The following SERPINA6 variants were observed in gnomAD, a reference collection of about 807,000 sequenced individuals.
SERPINA6 encodes the protein corticosteroid-binding globulin.
SERPINA6 carries 19 observed loss-of-function variants against 26.4 expected under a neutral mutation model. The ratio of observed to expected loss-of-function variants is 0.72; its 90% CI spans 0.50 to 1.06. The LOEUF is 1.06. SERPINA6 is among the 50% of genes least tolerant of loss of function. The pLI is 0.00. For missense variants in SERPINA6, 473 were observed against 504.0 expected, an observed-to-expected ratio of 0.94 and a Z score of 0.59; for synonymous variants, 196 against 199.4, an observed-to-expected ratio of 0.98 and a Z score of 0.14.
At position 94,304,312 on chromosome 14, in the gene SERPINA6, A is replaced by T; in HGVS notation, c.*106T>A. 1 of 1,103,942 alleles carries T rather than the reference A, an allele frequency of 9.1e-7. No homozygotes were observed. The highest frequency in any genetic ancestry group is 1.4e-6 in the Non-Finnish European group (1 of 716,770). The allele number at this position is 1,103,942 out of a possible 1,614,324, so 68.4% of individuals were successfully genotyped here. ...TAGACACAACTCTGGTTGGAGGGAG[A>T]AGAACTTGGAGGAGATTGGGGGAAA... On this transcript the variant is annotated 3_prime_UTR_variant, in exon 5 of 5. Coordinates refer to ENST00000341584, the MANE Select transcript of SERPINA6 (RefSeq NM_001756.4).
intron 4 of SERPINA6, among the ~76,000 whole-genome samples, chr14:94,305,429 G>T (rs551303983): frequency 6.6e-6 from 1 of 152,244 alleles, no homozygotes; most frequent in East Asian, 1.9e-4. Flanking sequence ...TGAGAAATTG[G>T]GATAATACCT....
chr14:94,304,621 A>C lies in SERPINA6; in HGVS notation c.1033-18T>G, dbSNP rs746229435. ...TGGACCACCTGTTAGGTACAGAATGAAGATGGGTAGTGAGACCTGCTGTGC... is the reference window on the plus strand; with the variant it reads ...TGGACCACCTGTTAGGTACAGAATGCAGATGGGTAGTGAGACCTGCTGTGC... On this transcript the variant is annotated intron_variant, in intron 4 of 4. Coordinates refer to ENST00000341584, the MANE Select transcript of SERPINA6 (RefSeq NM_001756.4). 1 of 1,609,916 alleles carries C rather than the reference A, an allele frequency of 6.2e-7. No homozygotes were observed. The highest frequency in any genetic ancestry group is 2.2e-5 in the East Asian group (1 of 44,822).
chr14:94,310,103 G>A (rs1895506894), intron 2 of SERPINA6, 97 bp from the exon 3 acceptor site: 1 of 1,256,240 alleles, frequency 8.0e-7, no homozygotes, highest in African/African-American at 1.5e-5. Context: ...GTGGCCTTCT[G>A]CATGCTTGGA....
chr14:94,304,518 T>G lies in SERPINA6; in HGVS notation c.1118A>C (p.Lys373Thr), dbSNP rs771376602. ...CTGGTTGAAACGCAAGATGATAGGC[T>G]TGGACGTCAGGTTTAGGGTGACCCC... ...STGVTLNLTS[K>T]PIILRFNQPF... The change falls in exon 5 of 5, where the codon AAG (lysine) becomes ACG (threonine). Residue 373 changes from lysine to threonine, a missense_variant. Transcript: ENST00000341584. 6.2e-7 allele frequency: 1 copy of G among 1,614,132 alleles called. No homozygotes were observed. The highest frequency in any genetic ancestry group is 1.1e-5 in the South Asian group (1 of 91,082).
rs759133022 is a variant in SERPINA6 at position 94,314,160 on chromosome 14, C to T, written c.489G>A (p.Trp163Ter). 2 of 1,614,068 alleles carry T rather than the reference C, an allele frequency of 1.2e-6. No homozygotes were observed. The highest frequency in any genetic ancestry group is 2.7e-5 in the African/African-American group (2 of 74,918). ...SEVLAMNFQD[W>*]ATASRQINSY... ...TGTTGATCTGTCTGCTGGCTGTTGCCCAGTCCTGGAAATTCATAGCCAAGA... is the reference window on the plus strand; with the variant it reads ...TGTTGATCTGTCTGCTGGCTGTTGCTCAGTCCTGGAAATTCATAGCCAAGA... The change falls in exon 2 of 5, where the codon TGG (tryptophan) becomes TGA (stop). Residue 163 changes from tryptophan (W) to a stop codon, truncating the protein, a stop_gained. Transcript: ENST00000341584. LOFTEE classifies it high-confidence loss of function.
intron 1 of SERPINA6, among the ~76,000 whole-genome samples, chr14:94,322,809 C>T (rs748197601): frequency 2.6e-5 from 4 of 152,154 alleles, no homozygotes; most frequent in Non-Finnish European, 4.4e-5. Context: ...GACAGGTCTG[C>T]GTGACTCAGA....
intron 1 of SERPINA6, among the ~76,000 whole-genome samples, chr14:94,321,520 C>T (rs1322987187): frequency 6.6e-6 from 1 of 152,306 alleles, no homozygotes; most frequent in African/African-American, 2.4e-5. Context: ...GGGCATGTCA[C>T]ATCACTATAG....
Position 94,314,541 on chromosome 14 carries a change from G to A in SERPINA6, c.108C>T (p.His36=). Residue 36 remains histidine, a synonymous_variant, in exon 2 of 5, where the codon CAC becomes CAT. Coordinates refer to ENST00000341584, the MANE Select transcript of SERPINA6 (RefSeq NM_001756.4). ...NAAYVNMSNH[H]RGLASANVDF... is the part of the protein sequence containing the mutation. Reference sequence around the variant, plus strand: ...CAACGTTGGCTGAAGCCAGGCCCCGGTGATGGTTACTCATGTTCACATAAG... The same window carrying A: ...CAACGTTGGCTGAAGCCAGGCCCCGATGATGGTTACTCATGTTCACATAAG... The A allele has an allele frequency of 1.2e-6, 2 of 1,614,232 alleles. No homozygotes were observed. Among genetic ancestry groups the A allele is most frequent in the Non-Finnish European group, 1.7e-6 (2 of 1,180,040 alleles).
rs779174071 is a variant in SERPINA6, at chr14:94,306,225, G to A, written c.885-7C>T. The stretch of plus-strand genomic sequence containing the variant: ...AATGTACAGGTCCACCTGGCTGCTC[G>A]GGGTAAGCAGACAGAGTTAGACATT... On this transcript the variant is annotated splice_polypyrimidine_tract_variant and splice_region_variant and intron_variant, in intron 3 of 4. Transcript: ENST00000341584. 42 of 1,613,984 alleles carry A rather than the reference G, an allele frequency of 2.6e-5. No homozygotes were observed. In the East Asian group the frequency reaches 5.6e-4, roughly 21 times the overall value.
intron 1 of SERPINA6, among the ~76,000 whole-genome samples, chr14:94,322,369 G>A (rs2139729937): frequency 6.6e-6 from 1 of 152,254 alleles, no homozygotes; most frequent in African/African-American, 2.4e-5. Flanking sequence ...CATTAGCTGG[G>A]TGTGATGGTG....
intron 2 of SERPINA6, among the ~76,000 whole-genome samples, 173 bp from the exon 3 acceptor site, chr14:94,310,179 G>A (rs1259592237): frequency 2.0e-5 from 3 of 152,202 alleles, no homozygotes; most frequent in Non-Finnish European, 2.9e-5. Context: ...TTTAAATCCT[G>A]TTTCATCCTC....
chr14:94,318,257 C>A (rs140386789), intron 1 of SERPINA6, among the ~76,000 whole-genome samples: 13 of 152,218 alleles, frequency 8.5e-5, no homozygotes, highest in African/African-American at 2.9e-4. Flanking sequence ...CCAATGCAGT[C>A]TATAGATTCA....
intron 2 of SERPINA6, among the ~76,000 whole-genome samples, chr14:94,311,624 A>C (rs1355912935): frequency 6.6e-6 from 1 of 152,058 alleles, no homozygotes; most frequent in Non-Finnish European, 1.5e-5. Flanking sequence ...TTAAAAAAAA[A>C]CTGTCAAGAA....
rs192182232 is a variant in SERPINA6, at chr14:94,311,759, G to A, written c.614-1753C>T. On this transcript the variant is annotated intron_variant, in intron 2 of 4. Transcript: ENST00000341584. ...TCGAGACCGTCCTGGCTAACGTGGT[G>A]AAACCCTGTCTGTACTAAAAATACA... Among the ~76,000 whole-genome samples, 216 of 152,110 alleles carry A rather than the reference G, an allele frequency of 1.4e-3. 3 individuals carry two copies. Among genetic ancestry groups the A allele is most frequent in the African/African-American group, 4.9e-3 (205 of 41,486 alleles).
chr14:94,304,406 G>T lies in SERPINA6; in HGVS notation c.*12C>A, dbSNP rs375969868. On this transcript the variant is annotated 3_prime_UTR_variant, in exon 5 of 5. Coordinates refer to ENST00000341584, the MANE Select transcript of SERPINA6 (RefSeq NM_001756.4). Reference sequence around the variant, plus strand: ...AAGTCAGACAGTGCTGAGGCTCTGGGTGGGTGGTCTCTTACACTGGGTTCA... The same window carrying T: ...AAGTCAGACAGTGCTGAGGCTCTGGTTGGGTGGTCTCTTACACTGGGTTCA... 36 of 1,613,516 alleles carry T rather than the reference G, an allele frequency of 2.2e-5. No individual in the cohort carries two copies. The highest frequency in any genetic ancestry group is 2.7e-5 in the Non-Finnish European group (32 of 1,179,538).
chr14:94,318,837 T>C (rs1008516087), intron 1 of SERPINA6, among the ~76,000 whole-genome samples: 2 of 152,122 alleles, frequency 1.3e-5, no homozygotes, highest in Non-Finnish European at 2.9e-5. Context: ...GAAAACTTTG[T>C]TCATCAAAGG....
chr14:94,319,774 T>C (rs534213888), intron 1 of SERPINA6, among the ~76,000 whole-genome samples: 1 of 152,154 alleles, frequency 6.6e-6, no homozygotes, highest in Admixed American at 6.5e-5. Flanking sequence ...AGAAGTAAAA[T>C]TGTGGTTACC....
intron 2 of SERPINA6, chr14:94,313,755 G>A (rs1895567332): frequency 3.5e-6 from 2 of 578,220 alleles, no homozygotes; most frequent in Non-Finnish European, 6.3e-6. Flanking sequence ...CAGCATTTGT[G>A]GAGCATGAAG....
chr14:94,317,424 T>C (rs1451832518), intron 1 of SERPINA6, among the ~76,000 whole-genome samples: 1 of 151,992 alleles, frequency 6.6e-6, no homozygotes, highest in Admixed American at 6.6e-5. Context: ...GAGAATGGGG[T>C]GGAGCTGTGG....
Sources: gnomAD v4.1 joint callset for allele counts (sites outside exome capture counted in the v4.1 genomes callset) on GRCh38, gnomAD v4.1.1 for gene constraint, MANE v1.5 for transcripts, NCBI Gene and HGNC (gene_info 2026-07-23, HGNC 2026-07-21) for gene names.